TTLL11: variants seen among roughly 807,000 people sequenced by gnomAD.
TTLL11 encodes tubulin polyglutamylase TTLL11.
TTLL11 carries 42 observed loss-of-function variants against 51.7 expected under a neutral mutation model. That is an observed-to-expected ratio of 0.81 (90% CI 0.64 to 1.05). The LOEUF (loss-of-function observed/expected upper bound fraction) is 1.05, where lower values mean the gene tolerates loss of function less well. Among genes scored for constraint, TTLL11 ranks in the 50% least tolerant of loss-of-function variants. TTLL11 has a pLI of 0.00. For synonymous variants in TTLL11, 381 were observed against 383.5 expected (o/e 0.99, Z 0.08); for missense variants, 799 against 940.4 (o/e 0.85, Z 1.97).
At chr9:121,824,490 A>AG (rs1337521085) in intron 8 of TTLL11, among the ~76,000 whole-genome samples, 4 of 151,766 alleles carry the variant, frequency 2.6e-5, no homozygotes, top group South Asian at 2.1e-4. Context: ...AAAAAAAAAA[A>AG]AAAAGAAAAG....
chr9:121,879,165 A>G (rs1838678173), intron 6 of TTLL11, among the ~76,000 whole-genome samples: 1 of 152,160 alleles, frequency 6.6e-6, no homozygotes, highest in Non-Finnish European at 1.5e-5. Context: ...TCTTTCTCTC[A>G]TGAGTGTCAT....
intron 1 of TTLL11, among the ~76,000 whole-genome samples, chr9:122,061,076 C>A (rs1483434978): frequency 1.3e-5 from 2 of 152,176 alleles, no homozygotes; most frequent in East Asian, 3.9e-4. Context: ...CTGGTGGATG[C>A]CAGCAGCCCT....
chr9:122,048,528 C>T (rs1417943077), intron 1 of TTLL11, among the ~76,000 whole-genome samples: 9 of 152,100 alleles, frequency 5.9e-5, no homozygotes, highest in Non-Finnish European at 8.8e-5. Context: ...CTCTTCAATG[C>T]CTCCCCGTGG....
intron 8 of TTLL11, among the ~76,000 whole-genome samples, chr9:121,831,146 CCG>C (rs1214885550): frequency 6.6e-6 from 1 of 152,190 alleles, no homozygotes; most frequent in Admixed American, 6.5e-5. Context: ...ACACCTCAGG[CCG>C]AGGAAACTGG....
intron 6 of TTLL11, among the ~76,000 whole-genome samples, chr9:121,902,566 G>A (rs1456202813): frequency 6.6e-6 from 1 of 151,734 alleles, no homozygotes; most frequent in Non-Finnish European, 1.5e-5. Flanking sequence ...TGCTTGATCT[G>A]TTTAGCCTGG....
At chr9:121,878,613 C>T (rs1838657789) in intron 6 of TTLL11, among the ~76,000 whole-genome samples, 1 of 152,154 alleles carries the variant, frequency 6.6e-6, no homozygotes, top group African/African-American at 2.4e-5. Context: ...TGCCCTGGCT[C>T]CCACAGACCC....
chr9:121,908,078 G>T (rs1016960264), intron 6 of TTLL11, among the ~76,000 whole-genome samples: 12 of 152,158 alleles, frequency 7.9e-5, no homozygotes, highest in African/African-American at 2.7e-4. Context: ...GGCTATGTGG[G>T]TTCGACACTG....
rs1564303048 is a variant in TTLL11, at chr9:121,915,912, TA to T, written c.1482-45165del. On this transcript the variant is annotated intron_variant, in intron 6 of 8. Coordinates refer to ENST00000321582, the MANE Select transcript of TTLL11 (RefSeq NM_001139442.2). ...GTAGCTATCAAAATTTAAAATCACCTATTTCTTGACCCAGCAATTTTATTTC... is the reference window on the plus strand; with the variant it reads ...GTAGCTATCAAAATTTAAAATCACCTTTTCTTGACCCAGCAATTTTATTTC... 1.6e-4 allele frequency among the ~76,000 whole-genome samples: 25 copies of T among 151,968 alleles called. 1 individual carries two copies. In the South Asian group the frequency reaches 4.6e-3, roughly 28 times the overall value.
rs143006402 is a variant in TTLL11, at chr9:121,975,080, C to T, written c.1270-101G>A. The stretch of plus-strand genomic sequence containing the variant: ...TTCAAACTCAGTCCCCAACCTTGGC[C>T]TTGACCCTGGCTTCTCTTGTCCACA... On this transcript the variant is annotated intron_variant, in intron 4 of 8. Coordinates refer to ENST00000321582, the MANE Select transcript of TTLL11 (RefSeq NM_001139442.2). The T allele has an allele frequency of 2.8e-4, 245 of 868,720 alleles. 1 individual carries two copies. In the African/African-American group the frequency reaches 4.0e-3, roughly 14 times the overall value. The allele number at this position is 868,720 out of a possible 1,614,324, so 53.8% of individuals were successfully genotyped here.
intron 6 of TTLL11, among the ~76,000 whole-genome samples, chr9:121,921,189 T>C (rs1756385829): frequency 1.3e-5 from 2 of 152,220 alleles, no homozygotes; most frequent in Non-Finnish European, 2.9e-5. Flanking sequence ...AGATCACACA[T>C]CTGTCCTTCA....
At chr9:121,852,048 G>A (rs772542352) in intron 8 of TTLL11, among the ~76,000 whole-genome samples, 4 of 152,150 alleles carry the variant, frequency 2.6e-5, no homozygotes, top group East Asian at 1.9e-4. Context: ...ACTGAGACTC[G>A]GGGCTGGCCC....
intron 1 of TTLL11, among the ~76,000 whole-genome samples, chr9:122,048,139 G>A (rs1037513232): frequency 5.9e-5 from 9 of 152,050 alleles, no homozygotes; most frequent in Admixed American, 1.3e-4. Flanking sequence ...ACAGCAGGAC[G>A]AGAGACTTTT....
At chr9:121,983,397 C>A (rs952698543) in intron 4 of TTLL11, among the ~76,000 whole-genome samples, 8 of 152,166 alleles carry the variant, frequency 5.3e-5, no homozygotes, top group Admixed American at 2.6e-4. Flanking sequence ...AAGGTCAGGA[C>A]TGGAAATACA....
chr9:122,040,739 T>C (rs992890712), intron 1 of TTLL11, among the ~76,000 whole-genome samples: 1 of 152,196 alleles, frequency 6.6e-6, no homozygotes, highest in African/African-American at 2.4e-5. Flanking sequence ...CCTCAAGTCA[T>C]TTAAATCAGT....
At chr9:121,878,227 G>A (rs7852277) in intron 6 of TTLL11, among the ~76,000 whole-genome samples, 2,660 of 152,234 alleles carry the variant, frequency 0.017, 55 homozygotes, top group African/African-American at 0.06. Flanking sequence ...AGCACAAAAC[G>A]GCCACATTGT....
chr9:121,960,457 C>A (rs1180468475), intron 6 of TTLL11, among the ~76,000 whole-genome samples: 1 of 152,140 alleles, frequency 6.6e-6, no homozygotes, highest in Non-Finnish European at 1.5e-5. Context: ...TGCCTTGCAG[C>A]CCTCACCAAG....
chr9:122,000,972 A>C (rs1013346484), intron 3 of TTLL11, among the ~76,000 whole-genome samples: 2 of 152,236 alleles, frequency 1.3e-5, no homozygotes, highest in South Asian at 4.1e-4. Flanking sequence ...TACAATAGTT[A>C]TTTCACTTAA....
At chr9:121,849,381 T>G (rs1837603314) in intron 8 of TTLL11, among the ~76,000 whole-genome samples, 1 of 152,120 alleles carries the variant, frequency 6.6e-6, no homozygotes, top group Non-Finnish European at 1.5e-5. Flanking sequence ...AGAGCAAGAT[T>G]CATGAAGGAA....
At chr9:121,908,459 C>T (rs1840013666) in intron 6 of TTLL11, among the ~76,000 whole-genome samples, 1 of 152,196 alleles carries the variant, frequency 6.6e-6, no homozygotes, top group Non-Finnish European at 1.5e-5. Context: ...GCCTGGTCAC[C>T]AAGAAGAATA....
Sources: gnomAD v4.1 joint callset for allele counts (sites outside exome capture counted in the v4.1 genomes callset) on GRCh38, gnomAD v4.1.1 for gene constraint, MANE v1.5 for transcripts, NCBI Gene and HGNC (gene_info 2026-07-23, HGNC 2026-07-21) for gene names.